Variants in CLEC12B observed in about 807,000 individuals in gnomAD.
The protein encoded by CLEC12B is macrophage antigen h.
A neutral mutation model predicts 36.1 loss-of-function variants in CLEC12B; 25 were observed. The observed-to-expected ratio is 0.69, with a 90% CI of 0.50 to 0.97. The LOEUF (loss-of-function observed/expected upper bound fraction) is 0.97. CLEC12B is among the 50% of genes least tolerant of loss of function. The probability of loss-of-function intolerance (pLI) is 0.00; values close to 1 mark genes in which losing one functional copy is unlikely to be tolerated. For synonymous variants in CLEC12B, 110 were observed against 108.5 expected (o/e 1.01, Z -0.09); for missense variants, 325 against 318.4 (o/e 1.02, Z -0.16).
At chr12:10,015,213 G>A in intron 3 of CLEC12B, 39 bp from the exon 4 acceptor site, 1 of 1,553,562 alleles carries the variant, frequency 6.4e-7, no homozygotes, top group East Asian at 2.2e-5. Flanking sequence ...TCACTCTAGA[G>A]TCTTCAGTTT....
At chr12:10,016,116 C>G (rs1257233930) in intron 5 of CLEC12B, 1 of 294,224 alleles carries the variant, frequency 3.4e-6, no homozygotes, top group Non-Finnish European at 5.1e-6. Context: ...GGATTGTGCA[C>G]TCAGTCACTC....
upstream of CLEC12B, among the ~76,000 whole-genome samples, chr12:10,007,302 A>G (rs576817847): frequency 2.5e-4 from 38 of 151,836 alleles, no homozygotes; most frequent in African/African-American, 8.9e-4. Flanking sequence ...AGTAGAGATG[A>G]AAAAAATGGA....
upstream of CLEC12B, among the ~76,000 whole-genome samples, chr12:10,009,303 C>G (rs1237977062): frequency 6.6e-6 from 1 of 151,486 alleles, no homozygotes; most frequent in African/African-American, 2.4e-5. Context: ...TTGAAGTCAG[C>G]GAGACCAGGA....
At chr12:10,010,124 T>C (rs145356669), upstream of CLEC12B, among the ~76,000 whole-genome samples, 314 of 152,112 alleles carry the variant, frequency 2.1e-3, 2 homozygotes, top group African/African-American at 7.0e-3. Context: ...GCTATCAGTT[T>C]CTTCTCCATG....
At chr12:10,013,934 G>A (rs1338935356) in intron 2 of CLEC12B, among the ~76,000 whole-genome samples, 2 of 152,158 alleles carry the variant, frequency 1.3e-5, no homozygotes, top group African/African-American at 2.4e-5. Flanking sequence ...CCATTGGTTC[G>A]ATATAGAAGG....
upstream of CLEC12B, among the ~76,000 whole-genome samples, chr12:10,006,489 T>C (rs942690948): frequency 1.3e-5 from 2 of 149,982 alleles, no homozygotes; most frequent in South Asian, 2.1e-4. Context: ...AGACCAAGAA[T>C]TGAACTCTAG....
At position 10,016,869 on chromosome 12, in the gene CLEC12B, ACTT is replaced by A. The variant is rs564536384; in HGVS notation, c.680+1148_680+1150del. On this transcript the variant is annotated intron_variant, in intron 5 of 5. Transcript: ENST00000338896. Reference sequence around the variant, plus strand: ...AATAATCTATGAAACACTAGGTCTTACTTCTTCTATCTAACAGAATATTTGTAT... The same window carrying A: ...AATAATCTATGAAACACTAGGTCTTACTTCTATCTAACAGAATATTTGTAT... 1.3e-4 allele frequency: 59 copies of A among 464,698 alleles called. No homozygotes were observed. In the South Asian group the frequency reaches 2.9e-3, roughly 23 times the overall value. 28.8% of individuals were successfully genotyped at this position (464,698 alleles called of 1,614,324 possible).
At chr12:10,009,946 C>CA (rs1865283814), upstream of CLEC12B, among the ~76,000 whole-genome samples, 1 of 152,124 alleles carries the variant, frequency 6.6e-6, no homozygotes, top group Non-Finnish European at 1.5e-5. Context: ...GCTGCTGTAA[C>CA]AAATTACCAC....
rs779983636 is a variant in CLEC12B, at chr12:10,015,333, C to A, written c.491C>A (p.Thr164Asn). The A allele has an allele frequency of 6.2e-7, 1 of 1,613,278 alleles. No individual in the cohort carries two copies. The highest frequency in any genetic ancestry group is 2.2e-5 in the East Asian group (1 of 44,852). ...TATTTTACAACAAATGAGGAGAAAA[C>A]CTGGGCTAACAGTAGAAAGGACTGC... ...CYYFTTNEEK[T>N]WANSRKDCID... is the part of the protein sequence containing the mutation. The change falls in exon 4 of 6, where the codon ACC (threonine) becomes AAC (asparagine). Residue 164 changes from threonine to asparagine, a missense_variant. By Grantham distance (65) the Thr-to-Asn change is moderately conservative. Transcript: ENST00000338896.
upstream of CLEC12B, among the ~76,000 whole-genome samples, chr12:10,010,239 C>T (rs112405553): frequency 1.9e-4 from 28 of 151,160 alleles, no homozygotes; most frequent in African/African-American, 6.8e-4. Context: ...CACACACACG[C>T]TTGAATTTTC....
intron 4 of CLEC12B, 73 bp from the exon 5 acceptor site, chr12:10,015,539 T>G (rs1772209582): frequency 6.3e-7 from 1 of 1,590,314 alleles, no homozygotes; most frequent in Non-Finnish European, 8.6e-7. Context: ...TTAATGAATG[T>G]CCTCATCTAT....
At chr12:10,014,877 C>A in intron 3 of CLEC12B, 136 bp downstream of exon 3, 2 of 653,406 alleles carry the variant, frequency 3.1e-6, no homozygotes, top group South Asian at 2.0e-5. Context: ...TAAATTTACA[C>A]ACAGCAAGGA....
At chr12:10,008,636 AAATT>A (rs1272162693), upstream of CLEC12B, among the ~76,000 whole-genome samples, 1 of 152,268 alleles carries the variant, frequency 6.6e-6, no homozygotes, top group Non-Finnish European at 1.5e-5. Flanking sequence ...AGAAATGTCT[AAATT>A]AATATGATCA....
chr12:10,015,337 G>T lies in CLEC12B; in HGVS notation c.495G>T (p.Trp165Cys), dbSNP rs377000141. ...TTACAACAAATGAGGAGAAAACCTG[G>T]GCTAACAGTAGAAAGGACTGCATAG... The part of the protein sequence containing the change: ...YYFTTNEEKT[W>C]ANSRKDCIDK... Residue 165 changes from tryptophan (W) to cysteine (C), a missense_variant, in exon 4 of 6, where the codon TGG (tryptophan) becomes TGT (cysteine). Transcript: ENST00000338896. 26 of 1,613,222 alleles carry T rather than the reference G, an allele frequency of 1.6e-5. No homozygotes were observed. Among genetic ancestry groups the T allele is most frequent in the South Asian group, 2.2e-5 (2 of 91,062 alleles).
chr12:10,010,568 A>T, upstream of CLEC12B: 1 of 470,366 alleles, frequency 2.1e-6, no homozygotes, highest in Non-Finnish European at 3.9e-6. Flanking sequence ...TCTAAGGAGA[A>T]TATTTGGCTT....
rs548495023 is a variant in CLEC12B at position 10,013,037 on chromosome 12, A to G, written c.190+154A>G. 16 of 642,194 alleles carry G rather than the reference A, an allele frequency of 2.5e-5. No individual in the cohort carries two copies. The African/African-American group carries it at 2.8e-4, about 11-fold the overall frequency. The allele number at this position is 642,194 out of a possible 1,614,324, so 39.8% of individuals were successfully genotyped here. ...CTCTCCTATTCGTCATATCTTCCCAAAAAACCGGCAAAAGACATTATCAGG... is the reference window on the plus strand; with the variant it reads ...CTCTCCTATTCGTCATATCTTCCCAGAAAACCGGCAAAAGACATTATCAGG... On this transcript the variant is annotated intron_variant, in intron 2 of 5. Transcript: ENST00000338896.
At chr12:10,007,977 A>C (rs554697233), upstream of CLEC12B, among the ~76,000 whole-genome samples, 2 of 152,374 alleles carry the variant, frequency 1.3e-5, no homozygotes, top group East Asian at 3.9e-4. Context: ...GAAATGCTGT[A>C]GAGTGTAGAA....
chr12:10,007,227 A>G (rs574118664), upstream of CLEC12B, among the ~76,000 whole-genome samples: 65 of 152,168 alleles, frequency 4.3e-4, no homozygotes, highest in Non-Finnish European at 9.0e-4. Flanking sequence ...TGAACAAAAG[A>G]TGGCTTCTGC....
intron 5 of CLEC12B, chr12:10,017,534 C>T: frequency 1.0e-6 from 1 of 985,408 alleles, no homozygotes; most frequent in Non-Finnish European, 1.2e-6. Context: ...ACCCTGGCCC[C>T]TGAGACATGC....
Sources: gnomAD v4.1 joint callset for allele counts (sites outside exome capture counted in the v4.1 genomes callset) on GRCh38, gnomAD v4.1.1 for gene constraint, MANE v1.5 for transcripts, NCBI Gene and HGNC (gene_info 2026-07-23, HGNC 2026-07-21) for gene names.